EFEMP1: variants seen among roughly 807,000 people sequenced by gnomAD.
EFEMP1 encodes EGF-containing fibulin-like extracellular matrix protein 1.
EFEMP1 carries 18 observed loss-of-function variants against 65.7 expected under a neutral mutation model. The ratio of observed to expected loss-of-function variants is 0.27; its 90% CI spans 0.19 to 0.41. The LOEUF (loss-of-function observed/expected upper bound fraction) is 0.41. EFEMP1 is among the 10% of genes least tolerant of loss of function. The pLI is 1.00. For missense variants in EFEMP1, 469 were observed against 624.8 expected (o/e 0.75, Z 2.66); for synonymous variants, 237 against 219.7 (o/e 1.08, Z -0.70).
intron 5 of EFEMP1, among the ~76,000 whole-genome samples, chr2:55,892,015 T>C (rs899831707): frequency 6.6e-6 from 1 of 152,052 alleles, no homozygotes; most frequent in Non-Finnish European, 1.5e-5. Flanking sequence ...TAAAACACTT[T>C]CAGTGTTGTG....
chr2:55,917,524 GTGA>G lies in EFEMP1; in HGVS notation c.517+138_517+140del. The G allele has an allele frequency of 9.1e-7, 1 of 1,101,784 alleles. No homozygotes were observed. Among genetic ancestry groups the G allele is most frequent in the Non-Finnish European group, 1.4e-6 (1 of 723,004 alleles). 68.3% of individuals were successfully genotyped at this position (1,101,784 alleles called of 1,614,324 possible). On this transcript the variant is annotated intron_variant, in intron 5 of 11. Coordinates refer to ENST00000355426, the MANE Select transcript of EFEMP1 (RefSeq NM_001039348.3). This position sits in a 1 kb window ranked among gnomAD's most constrained non-coding sequence, Gnocchi z 6.3. The stretch of plus-strand genomic sequence containing the variant: ...ACAGCAACTACCCTTTAGGAATATT[GTGA>G]TGATTAAATATAATGCAGACAAAGC...
Position 55,871,071 on chromosome 2 carries a change from C to G in EFEMP1, c.1053G>C (p.Trp351Cys). Residue 351 changes from tryptophan to cysteine, a missense_variant, in exon 10 of 12, where the codon TGG becomes TGC. Coordinates refer to ENST00000355426, the MANE Select transcript of EFEMP1 (RefSeq NM_001039348.3). This position sits in a 1 kb window ranked among gnomAD's most constrained non-coding sequence, Gnocchi z 4.2. ...AACAACGGAAGCCGCCATGATAATT[C>G]CAACACATTTCATCCTCCCGGCATT... is the stretch of plus-strand genomic sequence containing the variant. ...TNECREDEMCWNYHGGFRCYP... is the reference protein window; with the variant it reads ...TNECREDEMCCNYHGGFRCYP... 2 of 1,613,716 alleles carry G rather than the reference C, an allele frequency of 1.2e-6. No individual in the cohort carries two copies. The highest frequency in any genetic ancestry group is 1.7e-6 in the Non-Finnish European group (2 of 1,179,762).
At chr2:55,905,649 G>C (rs1033334476) in intron 5 of EFEMP1, among the ~76,000 whole-genome samples, 1 of 151,984 alleles carries the variant, frequency 6.6e-6, no homozygotes, top group Non-Finnish European at 1.5e-5. Flanking sequence ...GGGTTTCATC[G>C]TGTTGGTCAG....
chr2:55,922,888 A>T lies in EFEMP1; in HGVS notation c.-8+11T>A. 6 of 1,126,754 alleles carry T rather than the reference A, an allele frequency of 5.3e-6. No homozygotes were observed. The highest frequency in any genetic ancestry group is 6.6e-6 in the Non-Finnish European group (6 of 911,460). 69.8% of individuals were successfully genotyped at this position (1,126,754 alleles called of 1,614,324 possible). A position where few individuals can be genotyped will look rare whatever the true frequency, so the allele number is the denominator to read the frequency against. On this transcript the variant is annotated intron_variant, in intron 2 of 11. Transcript: ENST00000355426. The surrounding 1 kb of genome is among the most constrained non-coding windows in gnomAD (Gnocchi z 5.5). Reference sequence around the variant, plus strand: ...TTCTCTAGAACGTTAAGGCTTTCCCAGTATACTCACCTTGAGCTAGCAGAG... The same window carrying T: ...TTCTCTAGAACGTTAAGGCTTTCCCTGTATACTCACCTTGAGCTAGCAGAG...
rs1669406763 is a variant in EFEMP1 at position 55,885,965 on chromosome 2, T to C, written c.518-4231A>G. Reference sequence around the variant, plus strand: ...ATGTTCTTTCCATAATTTGATAACTTACCACAACATGGAGTCCCTTTAGCA... The same window carrying C: ...ATGTTCTTTCCATAATTTGATAACTCACCACAACATGGAGTCCCTTTAGCA... On this transcript the variant is annotated intron_variant, in intron 5 of 11. Transcript: ENST00000355426. This position sits in a 1 kb window ranked among gnomAD's most constrained non-coding sequence, Gnocchi z 4.3. 6.6e-6 allele frequency among the ~76,000 whole-genome samples: 1 copy of C among 152,226 alleles called. No individual in the cohort carries two copies. The highest frequency in any genetic ancestry group is 1.5e-5 in the Non-Finnish European group (1 of 68,040).
chr2:55,908,357 T>C lies in EFEMP1; in HGVS notation c.517+9308A>G, dbSNP rs541562189. On this transcript the variant is annotated intron_variant, in intron 5 of 11. Coordinates refer to ENST00000355426, the MANE Select transcript of EFEMP1 (RefSeq NM_001039348.3). ...CCCTTACAGAAAGACAATTACAGCA[T>C]GATCTCACTTAAATGTACAATCTGA... 3.9e-5 allele frequency among the ~76,000 whole-genome samples: 6 copies of C among 152,244 alleles called. No individual in the cohort carries two copies. The South Asian group carries it at 1.2e-3, about 32-fold the overall frequency.
rs1279819540 is a variant in EFEMP1, at chr2:55,877,582, T to C, written c.760+164A>G. On this transcript the variant is annotated intron_variant, in intron 7 of 11. Coordinates refer to ENST00000355426, the MANE Select transcript of EFEMP1 (RefSeq NM_001039348.3). The surrounding 1 kb of genome is among the most constrained non-coding windows in gnomAD (Gnocchi z 4.5). Reference sequence around the variant, plus strand: ...AAAGTTTTCTGTTCACATCTTGATGTGTTTTAAGACACAGATTGGTTATTA... The same window carrying C: ...AAAGTTTTCTGTTCACATCTTGATGCGTTTTAAGACACAGATTGGTTATTA... 1.3e-5 allele frequency among the ~76,000 whole-genome samples: 2 copies of C among 152,234 alleles called. No individual in the cohort carries two copies. The highest frequency in any genetic ancestry group is 2.4e-5 in the African/African-American group (1 of 41,460).
chr2:55,868,559 G>A (rs1237007168), intron 11 of EFEMP1, among the ~76,000 whole-genome samples: 3 of 152,092 alleles, frequency 2.0e-5, no homozygotes, highest in Non-Finnish European at 4.4e-5. Context: ...TTTCTCAAAA[G>A]GAATATAAAT....
At chr2:55,893,764 GTTTT>G (rs1282948872) in intron 5 of EFEMP1, among the ~76,000 whole-genome samples, 1 of 152,086 alleles carries the variant, frequency 6.6e-6, no homozygotes, top group Non-Finnish European at 1.5e-5. Context: ...GGAAGTTGGG[GTTTT>G]TAATGTAATT....
At position 55,923,725 on chromosome 2, in the gene EFEMP1, T is replaced by A. The variant is rs1247596184; in HGVS notation, c.-63A>T. On this transcript the variant is annotated 5_prime_UTR_variant, in exon 1 of 12. Coordinates refer to ENST00000355426, the MANE Select transcript of EFEMP1 (RefSeq NM_001039348.3). The surrounding 1 kb of genome is among the most constrained non-coding windows in gnomAD (Gnocchi z 5.3). ...GGGGCTCCTACCTGTGCGGCCGCGC[T>A]GCGCTCCGGGCCCGGGCAGCGAGGG... 4.1e-6 allele frequency: 4 copies of A among 985,560 alleles called. No individual in the cohort carries two copies. The highest frequency in any genetic ancestry group is 4.7e-5 in the South Asian group (1 of 21,288). The allele number at this position is 985,560 out of a possible 1,614,324, so 61.1% of individuals were successfully genotyped here. A position where few individuals can be genotyped will look rare whatever the true frequency, so the allele number is the denominator to read the frequency against.
chr2:55,882,365 A>T (rs1669271503), intron 5 of EFEMP1, among the ~76,000 whole-genome samples: 1 of 152,194 alleles, frequency 6.6e-6, no homozygotes, highest in Admixed American at 6.5e-5. Context: ...ATTCAATTTG[A>T]TCATATTCCT....
In EFEMP1 at chr2:55,919,763, T is replaced by C. The variant is rs1202571337; in HGVS notation, c.82-1496A>G. On this transcript the variant is annotated intron_variant, in intron 3 of 11. Coordinates refer to ENST00000355426, the MANE Select transcript of EFEMP1 (RefSeq NM_001039348.3). This position sits in a 1 kb window ranked among gnomAD's most constrained non-coding sequence, Gnocchi z 4.5. ...GCGAGAACTAAATTCACTTTGTCTCTCAGACTAATTTTTTTCTTGTTTCCC... is the reference window on the plus strand; with the variant it reads ...GCGAGAACTAAATTCACTTTGTCTCCCAGACTAATTTTTTTCTTGTTTCCC... 6.6e-6 allele frequency among the ~76,000 whole-genome samples: 1 copy of C among 152,248 alleles called. No individual in the cohort carries two copies. The highest frequency in any genetic ancestry group is 1.5e-5 in the Non-Finnish European group (1 of 68,038).
rs1035346497 is a variant in EFEMP1 at position 55,866,996 on chromosome 2, C to A, written c.*77G>T. ...AGAGATGTAGATGCACTAGATATAT[C>A]TATAAATAAAATAGTGCTTTAAGGT... On this transcript the variant is annotated 3_prime_UTR_variant, in exon 12 of 12. Transcript: ENST00000355426. 19 of 1,562,872 alleles carry A rather than the reference C, an allele frequency of 1.2e-5. No homozygotes were observed. In the Admixed American group the frequency reaches 3.2e-4, roughly 26 times the overall value.
intron 5 of EFEMP1, among the ~76,000 whole-genome samples, chr2:55,891,514 T>G (rs527652773): frequency 3.3e-5 from 5 of 152,224 alleles, no homozygotes; most frequent in Non-Finnish European, 5.9e-5. Flanking sequence ...TTCAACAACA[T>G]TGAATATCTA....
chr2:55,878,053 A>G (rs372846223), intron 6 of EFEMP1, among the ~76,000 whole-genome samples, 188 bp from the exon 7 acceptor site: 1 of 152,200 alleles, frequency 6.6e-6, no homozygotes, highest in East Asian at 1.9e-4. Context: ...AAGAACAAAG[A>G]CTCAATGTTC....
rs1248553403 is a variant in EFEMP1, at chr2:55,877,549, A to G, written c.760+197T>C. Among the ~76,000 whole-genome samples, 1 of 152,208 alleles carries G rather than the reference A, an allele frequency of 6.6e-6. No individual in the cohort carries two copies. The highest frequency in any genetic ancestry group is 1.5e-5 in the Non-Finnish European group (1 of 68,034). ...CTATCCACAGAGGAGAACTAAAACCAAAGTTAAAAAGTTTTCTGTTCACAT... is the reference window on the plus strand; with the variant it reads ...CTATCCACAGAGGAGAACTAAAACCGAAGTTAAAAAGTTTTCTGTTCACAT... On this transcript the variant is annotated intron_variant, in intron 7 of 11. Transcript: ENST00000355426. The surrounding 1 kb of genome is among the most constrained non-coding windows in gnomAD (Gnocchi z 4.5).
rs978306815 is a variant in EFEMP1 at position 55,885,103 on chromosome 2, G to C, written c.518-3369C>G. ...ATGTTAGTAAAAGAAAAATGATGTT[G>C]AGCAAGTGAGTCCAGGAGTGCAGAG... On this transcript the variant is annotated intron_variant, in intron 5 of 11. Coordinates refer to ENST00000355426, the MANE Select transcript of EFEMP1 (RefSeq NM_001039348.3). The surrounding 1 kb of genome is among the most constrained non-coding windows in gnomAD (Gnocchi z 4.3). 6.6e-6 allele frequency among the ~76,000 whole-genome samples: 1 copy of C among 152,162 alleles called. No homozygotes were observed. The highest frequency in any genetic ancestry group is 1.5e-5 in the Non-Finnish European group (1 of 68,030).
intron 6 of EFEMP1, among the ~76,000 whole-genome samples, chr2:55,879,894 C>T (rs552570689): frequency 3.9e-5 from 6 of 152,214 alleles, no homozygotes; most frequent in African/African-American, 1.4e-4. Context: ...AAAAAGTATC[C>T]TTCATCATAA....
intron 9 of EFEMP1, 94 bp downstream of exon 9, chr2:55,874,852 A>T (rs960956937): frequency 3.1e-5 from 42 of 1,352,124 alleles, no homozygotes; most frequent in Non-Finnish European, 4.2e-5. Flanking sequence ...GAAAGTGGGA[A>T]AAATGAAAGT....
Sources: gnomAD v4.1 joint callset for allele counts (sites outside exome capture counted in the v4.1 genomes callset) on GRCh38, gnomAD v4.1.1 for gene constraint, Gnocchi (gnomAD v3.1) non-coding constraint, MANE v1.5 for transcripts, NCBI Gene and HGNC (gene_info 2026-07-23, HGNC 2026-07-21) for gene names.